Variants in MTERF4 observed in about 807,000 individuals in gnomAD.
MTERF4 encodes the protein transcription termination factor 4, mitochondrial.
MTERF4 carries 17 observed loss-of-function variants against 22.5 expected under a neutral mutation model. That is an observed-to-expected ratio of 0.75 (90% CI 0.52 to 1.13). The LOEUF (loss-of-function observed/expected upper bound fraction) is 1.13. Among genes scored for constraint, MTERF4 ranks in the 50% most tolerant of loss-of-function variants. The probability of loss-of-function intolerance (pLI) is 0.00; values close to 1 mark genes in which losing one functional copy is unlikely to be tolerated. For missense variants in MTERF4, 420 were observed against 466.8 expected (o/e 0.90, Z 0.92); for synonymous variants, 165 against 175.3 (o/e 0.94, Z 0.47).
At chr2:241,069,902 T>G, downstream of MTERF4, 1 of 1,607,952 alleles carries the variant, frequency 6.2e-7, no homozygotes. This position sits in a 1 kb window ranked among gnomAD's most constrained non-coding sequence, Gnocchi z 4.9. Flanking sequence ...CACCTCTCCC[T>G]GCTCCTGCCT....
chr2:241,087,588 A>G (rs2063648450), downstream of MTERF4: 2 of 1,452,646 alleles, frequency 1.4e-6, no homozygotes, highest in African/African-American at 1.4e-5. Flanking sequence ...CAGGCGGTCT[A>G]CTCGCCCAGA....
the MTERF4 span, among the ~76,000 whole-genome samples, chr2:241,062,273 C>CTAG: frequency 6.6e-6 from 1 of 152,186 alleles, no homozygotes; most frequent in Non-Finnish European, 1.5e-5. Flanking sequence ...GGGGTGGCTG[C>CTAG]TAGTCCCAGA....
rs2062864866 is a variant in MTERF4, at chr2:241,073,707, AC to A, written n.2454del. 2.3e-6 allele frequency: 1 copy of A among 437,712 alleles called. No individual in the cohort carries two copies. Among genetic ancestry groups the A allele is most frequent in the Admixed American group, 3.8e-5 (1 of 26,278 alleles). The allele number at this position is 437,712 out of a possible 1,614,324, so 27.1% of individuals were successfully genotyped here. A position where few individuals can be genotyped will look rare whatever the true frequency, so the allele number is the denominator to read the frequency against. On this transcript the variant is annotated non_coding_transcript_exon_variant, in exon 5 of 5. Coordinates refer to the MTERF4 transcript ENST00000464344. This position sits in a 1 kb window ranked among gnomAD's most constrained non-coding sequence, Gnocchi z 6.6. The stretch of plus-strand genomic sequence containing the variant: ...CCCAGCCCCTGCCTCTGGGCCCCTC[AC>A]CCCTCACTTCTCCAAAGAGGAGCAG...
At chr2:241,100,711 T>C (rs2064665415) in intron 1 of MTERF4, among the ~76,000 whole-genome samples, 1 of 151,320 alleles carries the variant, frequency 6.6e-6, no homozygotes, top group South Asian at 2.1e-4. Context: ...ACTTTAAGAA[T>C]ACAGAATGCA....
the MTERF4 span, among the ~76,000 whole-genome samples, chr2:241,060,335 AC>A: frequency 1.3e-5 from 2 of 151,998 alleles, no homozygotes; most frequent in Non-Finnish European, 2.9e-5. Context: ...GGCACTCACC[AC>A]CATACCCAGC....
At chr2:241,081,487 GCT>G (rs893665342) in intron 4 of MTERF4, among the ~76,000 whole-genome samples, 11 of 152,166 alleles carry the variant, frequency 7.2e-5, no homozygotes, top group Non-Finnish European at 1.2e-4. Context: ...CCTCACCTCT[GCT>G]CTCTCTCAAC....
In MTERF4 at chr2:241,102,196, C is replaced by T. The variant is rs1288268465; in HGVS notation, c.21+57G>A. The T allele has an allele frequency of 1.9e-6, 3 of 1,546,780 alleles. No individual in the cohort carries two copies. The Admixed American group carries it at 5.9e-5, about 30-fold the overall frequency. ...ACACTCGGCGGCCGCGGTTCCTCTG[C>T]GTCGCTGCCCGCCCGCCTGCGACCC... On this transcript the variant is annotated intron_variant, in intron 1 of 3. Transcript: ENST00000391980.
chr2:241,086,993 A>G (rs2063615029), downstream of MTERF4: 1 of 163,862 alleles, frequency 6.1e-6, no homozygotes, highest in African/African-American at 2.4e-5. Context: ...CGAATCCCCA[A>G]CACTCCTCAA....
At chr2:241,072,718 A>G (rs901364616) in exon 5 of MTERF4, 1 of 197,598 alleles carries the variant, frequency 5.1e-6, no homozygotes, top group Admixed American at 5.3e-5. Flanking sequence ...CGGGATGCCC[A>G]GTGGTGGGCA....
chr2:241,078,189 T>C lies in MTERF4; in HGVS notation n.480-2507A>G, dbSNP rs375190930. On this transcript the variant is annotated intron_variant and non_coding_transcript_variant, in intron 4 of 4. Coordinates refer to the MTERF4 transcript ENST00000464344. ...CACCAGGTCAGGCGTTCGAGACAAGTCTGGCCAACGCGGTGAAACCCCGTC... is the reference window on the plus strand; with the variant it reads ...CACCAGGTCAGGCGTTCGAGACAAGCCTGGCCAACGCGGTGAAACCCCGTC... 7.7e-3 allele frequency among the ~76,000 whole-genome samples: 1,149 copies of C among 149,644 alleles called. 36 individuals carry two copies. Among genetic ancestry groups the C allele is most frequent in the African/African-American group, 0.027 (1,060 of 39,522 alleles).
intron 4 of MTERF4, among the ~76,000 whole-genome samples, chr2:241,079,395 G>A (rs926723197): frequency 6.0e-5 from 9 of 148,906 alleles, no homozygotes; most frequent in African/African-American, 2.2e-4. Flanking sequence ...CTGGGCGACA[G>A]AGTGAGACTC....
At chr2:241,059,855 G>A in the MTERF4 span, among the ~76,000 whole-genome samples, 1 of 152,214 alleles carries the variant, frequency 6.6e-6, no homozygotes, top group African/African-American at 2.4e-5. Flanking sequence ...TACAAGGCAA[G>A]GTGTCCATTC....
At chr2:241,064,600 C>T in the MTERF4 span, among the ~76,000 whole-genome samples, 144 of 152,342 alleles carry the variant, frequency 9.5e-4, 1 homozygote, top group African/African-American at 3.3e-3. This position sits in a 1 kb window ranked among gnomAD's most constrained non-coding sequence, Gnocchi z 7.0. Context: ...TGTCCTGATC[C>T]AGTGTCTCCT....
At chr2:241,070,883 G>A (rs575426448), downstream of MTERF4, among the ~76,000 whole-genome samples, 4 of 152,342 alleles carry the variant, frequency 2.6e-5, no homozygotes, top group East Asian at 1.9e-4. Context: ...AGCAGTGCGC[G>A]GCTCCCCAGG....
intron 1 of MTERF4, among the ~76,000 whole-genome samples, chr2:241,101,730 C>A (rs1448775224): frequency 2.0e-5 from 3 of 152,242 alleles, no homozygotes; most frequent in African/African-American, 7.2e-5. Context: ...TACATGTTAT[C>A]TTCCTTGTGA....
the MTERF4 span, chr2:241,051,695 G>A: frequency 1.6e-5 from 22 of 1,382,772 alleles, no homozygotes; most frequent in Non-Finnish European, 2.1e-5. The surrounding 1 kb of genome is among the most constrained non-coding windows in gnomAD (Gnocchi z 4.7). Context: ...TGGCTCTGTG[G>A]GGCCAGCAGC....
chr2:241,070,574 T>A (rs2062657022), downstream of MTERF4, among the ~76,000 whole-genome samples: 1 of 152,046 alleles, frequency 6.6e-6, no homozygotes, highest in African/African-American at 2.4e-5. Context: ...GAAGAGCCAC[T>A]GGACACAGAC....
chr2:241,082,590 A>C (rs2063381114), downstream of MTERF4, among the ~76,000 whole-genome samples: 1 of 152,206 alleles, frequency 6.6e-6, no homozygotes, highest in Admixed American at 6.5e-5. Flanking sequence ...AGGGGCTGAG[A>C]AGAACGCAGG....
chr2:241,065,686 G>A, the MTERF4 span: 39 of 1,110,210 alleles, frequency 3.5e-5, no homozygotes, highest in African/African-American at 4.7e-5. Flanking sequence ...CTGTCATGCC[G>A]TCCACCCTCC....
Sources: gnomAD v4.1 joint callset for allele counts (sites outside exome capture counted in the v4.1 genomes callset) on GRCh38, gnomAD v4.1.1 for gene constraint, Gnocchi (gnomAD v3.1) non-coding constraint, MANE v1.5 for transcripts, NCBI Gene and HGNC (gene_info 2026-07-23, HGNC 2026-07-21) for gene names.